SYT1: variants seen among roughly 807,000 people sequenced by gnomAD.
SYT1 encodes synaptotagmin 1.
Under a neutral mutation model 44.8 loss-of-function variants are expected in SYT1, and 8 were observed. The observed-to-expected ratio is 0.18, with a 90% CI of 0.10 to 0.32. The LOEUF (loss-of-function observed/expected upper bound fraction) is 0.32. Among genes scored for constraint, SYT1 ranks in the 10% least tolerant of loss-of-function variants. The pLI is 1.00. For synonymous variants in SYT1, 154 were observed against 188.8 expected, an observed-to-expected ratio of 0.82 and a Z score of 1.51; for missense variants, 286 against 509.3, an observed-to-expected ratio of 0.56 and a Z score of 4.22.
chr12:79,389,208 G>C (rs540087450), intron 9 of SYT1, among the ~76,000 whole-genome samples: 33 of 152,222 alleles, frequency 2.2e-4, no homozygotes, highest in African/African-American at 7.7e-4. Flanking sequence ...TTAATAAACT[G>C]TACTATAGAA....
chr12:78,893,838 C>T (rs1299151418), intron 1 of SYT1, among the ~76,000 whole-genome samples: 6 of 151,512 alleles, frequency 4.0e-5, no homozygotes. Flanking sequence ...ATAACCAAGG[C>T]AATTATAAAA....
At chr12:79,426,659 CA>C (rs983103033) in intron 9 of SYT1, among the ~76,000 whole-genome samples, 4 of 151,990 alleles carry the variant, frequency 2.6e-5, no homozygotes, top group South Asian at 2.1e-4. Flanking sequence ...AGGAAGCTAT[CA>C]AAAAAATGAT....
At chr12:79,295,979 A>G in intron 6 of SYT1, 90 bp from the exon 7 acceptor site, 1 of 1,356,062 alleles carries the variant, frequency 7.4e-7, no homozygotes, top group Non-Finnish European at 1.0e-6. Context: ...GAAGAGGGAG[A>G]AATCCCAATA....
chr12:78,883,495 T>C (rs1280707014), intron 1 of SYT1, among the ~76,000 whole-genome samples: 2 of 149,412 alleles, frequency 1.3e-5, no homozygotes, highest in African/African-American at 2.4e-5. Flanking sequence ...AAATATGACT[T>C]TCTTTCTTTT....
chr12:79,181,971 TATA>T (rs534991311), intron 3 of SYT1, among the ~76,000 whole-genome samples: 25 of 152,076 alleles, frequency 1.6e-4, no homozygotes, highest in Non-Finnish European at 3.2e-4. Context: ...CGTTTTAATT[TATA>T]ATGTTTTAAA....
At chr12:79,187,251 A>G (rs1872854878) in intron 3 of SYT1, among the ~76,000 whole-genome samples, 1 of 152,046 alleles carries the variant, frequency 6.6e-6, no homozygotes, top group Non-Finnish European at 1.5e-5. Context: ...CAAGAACTGC[A>G]CCCAAAATAG....
intron 3 of SYT1, among the ~76,000 whole-genome samples, chr12:79,117,688 T>A (rs1457202321): frequency 8.7e-5 from 7 of 80,108 alleles, no homozygotes; most frequent in African/African-American, 3.0e-4. Context: ...TATATATATA[T>A]ATATATATAT....
At chr12:78,976,394 T>G (rs1020540659) in intron 1 of SYT1, among the ~76,000 whole-genome samples, 3 of 152,232 alleles carry the variant, frequency 2.0e-5, no homozygotes, top group Admixed American at 6.5e-5. Context: ...TAAAACTCTC[T>G]TGTGAAGAAT....
chr12:78,924,079 T>G (rs1014258654), intron 1 of SYT1, among the ~76,000 whole-genome samples: 2 of 151,944 alleles, frequency 1.3e-5, no homozygotes, highest in African/African-American at 4.8e-5. Flanking sequence ...TCTCTCAATT[T>G]AAGTTTGTCA....
intron 3 of SYT1, among the ~76,000 whole-genome samples, chr12:79,081,285 C>T (rs71463804): frequency 0.075 from 11,329 of 152,028 alleles, 660 homozygotes; most frequent in East Asian, 0.23. Context: ...AACGTTTTAA[C>T]GCTCATGTAT....
At chr12:79,403,175 T>C (rs1214521354) in intron 9 of SYT1, among the ~76,000 whole-genome samples, 3 of 152,204 alleles carry the variant, frequency 2.0e-5, no homozygotes, top group African/African-American at 7.2e-5. Flanking sequence ...TGTATCTTCA[T>C]GCTTCAGCCA....
chr12:79,279,995 A>G (rs1171879978), intron 4 of SYT1, among the ~76,000 whole-genome samples: 1 of 152,180 alleles, frequency 6.6e-6, no homozygotes, highest in Non-Finnish European at 1.5e-5. Context: ...ATCATAGATG[A>G]CACAAACAAA....
intron 4 of SYT1, among the ~76,000 whole-genome samples, chr12:79,242,364 G>C (rs1876566095): frequency 6.6e-6 from 1 of 152,124 alleles, no homozygotes. Flanking sequence ...TCTTGGGCTA[G>C]TTATGTCTAC....
At chr12:79,376,209 G>A (rs935744371) in intron 9 of SYT1, among the ~76,000 whole-genome samples, 6 of 152,182 alleles carry the variant, frequency 3.9e-5, no homozygotes, top group Admixed American at 1.3e-4. Context: ...AATTCAGGGC[G>A]AGTCTGCAGT....
chr12:78,886,034 T>C (rs1874729608), intron 1 of SYT1, among the ~76,000 whole-genome samples: 1 of 151,880 alleles, frequency 6.6e-6, no homozygotes, highest in African/African-American at 2.4e-5. Flanking sequence ...GGAGTTTAAC[T>C]TCCCTCATAC....
intron 3 of SYT1, among the ~76,000 whole-genome samples, chr12:79,189,709 G>T (rs781504429): frequency 1.3e-5 from 2 of 152,096 alleles, no homozygotes; most frequent in Non-Finnish European, 2.9e-5. Context: ...TTTGAGACTA[G>T]CCTGGCTAAC....
intron 3 of SYT1, among the ~76,000 whole-genome samples, chr12:79,050,286 A>T (rs1488566422): frequency 6.6e-6 from 1 of 152,072 alleles, no homozygotes; most frequent in African/African-American, 2.4e-5. Context: ...CTCCATCCTC[A>T]TCTTCACATT....
intron 9 of SYT1, among the ~76,000 whole-genome samples, chr12:79,394,988 C>A (rs917852632): frequency 7.9e-5 from 12 of 152,264 alleles, no homozygotes; most frequent in African/African-American, 1.7e-4. Flanking sequence ...ACAACACACA[C>A]ATAATTTTAT....
At chr12:79,123,301 A>G (rs1017355799) in intron 3 of SYT1, among the ~76,000 whole-genome samples, 1 of 120,506 alleles carries the variant, frequency 8.3e-6, no homozygotes, top group Non-Finnish European at 1.8e-5. Flanking sequence ...TGTATCTCTA[A>G]AAATGCAATG....
Sources: allele counts gnomAD v4.1 joint callset (sites outside exome capture counted in the v4.1 genomes callset), GRCh38; gene constraint gnomAD v4.1.1; transcripts MANE v1.5; gene names NCBI Gene and HGNC (gene_info 2026-07-23, HGNC 2026-07-21).